Variants in NALCN observed in about 807,000 individuals in gnomAD.
NALCN encodes the protein sodium leak channel NALCN.
In NALCN, 111 loss-of-function variants were observed where a neutral mutation model predicts 225.3. That is an observed-to-expected ratio of 0.49 (90% CI 0.42 to 0.58). The LOEUF is 0.58. Ranked by LOEUF, NALCN falls within the 20% of genes least tolerant of loss-of-function variation. The pLI is 0.00. For missense variants in NALCN, 1,378 were observed against 2,202.4 expected, an observed-to-expected ratio of 0.63 and a Z score of 7.49; for synonymous variants, 764 against 769.0, an observed-to-expected ratio of 0.99 and a Z score of 0.11.
chr13:101,124,585 G>A (rs1298536414), intron 18 of NALCN, 23 bp downstream of exon 18: 2 of 1,592,028 alleles, frequency 1.3e-6, no homozygotes, highest in East Asian at 4.5e-5. Context: ...GTTTAAATAT[G>A]TGTCAACATT....
At chr13:101,255,972 C>A (rs528776881) in intron 11 of NALCN, among the ~76,000 whole-genome samples, 4 of 152,134 alleles carry the variant, frequency 2.6e-5, no homozygotes, top group African/African-American at 9.7e-5. Flanking sequence ...ATCAGTCACT[C>A]GCTCATTCCC....
intron 15 of NALCN, among the ~76,000 whole-genome samples, chr13:101,167,833 T>C (rs1253742260): frequency 1.6e-5 from 2 of 127,658 alleles, no homozygotes; most frequent in African/African-American, 5.2e-5. Context: ...GTTGAGACTC[T>C]GTCAAAAAAA....
chr13:101,349,345 T>A (rs2045838844), intron 6 of NALCN, among the ~76,000 whole-genome samples: 1 of 152,176 alleles, frequency 6.6e-6, no homozygotes, highest in South Asian at 2.1e-4. Context: ...GTTGTTTTTG[T>A]GGTAGAGAAA....
chr13:101,281,250 T>G (rs2138994778), intron 10 of NALCN, among the ~76,000 whole-genome samples: 1 of 152,290 alleles, frequency 6.6e-6, no homozygotes, highest in South Asian at 2.1e-4. Flanking sequence ...CTTGCATTAC[T>G]TCTTTCAAAA....
chr13:101,195,408 C>A (rs1057023587), intron 13 of NALCN, among the ~76,000 whole-genome samples: 1 of 152,156 alleles, frequency 6.6e-6, no homozygotes, highest in Admixed American at 6.5e-5. Context: ...TCTAATTTGT[C>A]ATTCCTTTTA....
At chr13:101,127,784 TTTC>T (rs1408203095) in intron 17 of NALCN, among the ~76,000 whole-genome samples, 1 of 152,264 alleles carries the variant, frequency 6.6e-6, no homozygotes, top group African/African-American at 2.4e-5. Flanking sequence ...CGTTATATAC[TTTC>T]TTTTTTCTAC....
At chr13:101,297,198 C>T (rs2043788452) in intron 7 of NALCN, among the ~76,000 whole-genome samples, 1 of 152,146 alleles carries the variant, frequency 6.6e-6, no homozygotes, top group Admixed American at 6.5e-5. Context: ...TGATAACTAG[C>T]AACACACTAC....
At chr13:101,258,198 C>A (rs944596529) in intron 11 of NALCN, among the ~76,000 whole-genome samples, 5 of 151,868 alleles carry the variant, frequency 3.3e-5, no homozygotes, top group African/African-American at 1.2e-4. Context: ...AGAGTAAGAC[C>A]CAGGGGAAAA....
At chr13:101,279,090 C>T (rs1182520472) in intron 10 of NALCN, among the ~76,000 whole-genome samples, 1 of 150,846 alleles carries the variant, frequency 6.6e-6, no homozygotes, top group Non-Finnish European at 1.5e-5. Context: ...ATGGAATTTC[C>T]CCTGGTTGGA....
intron 3 of NALCN, among the ~76,000 whole-genome samples, chr13:101,389,508 G>A (rs1361514422): frequency 6.6e-6 from 1 of 152,188 alleles, no homozygotes; most frequent in Non-Finnish European, 1.5e-5. Flanking sequence ...CAATTCAGTA[G>A]GGCAGGGACA....
At chr13:101,384,737 T>C (rs1324983296) in intron 3 of NALCN, among the ~76,000 whole-genome samples, 2 of 152,198 alleles carry the variant, frequency 1.3e-5, no homozygotes, top group African/African-American at 4.8e-5. Flanking sequence ...CCAAATAGTT[T>C]CTTTTCACCT....
Position 101,327,616 on chromosome 13 carries a change from G to A in NALCN, c.799+17650C>T, listed in dbSNP as rs565917070. Among the ~76,000 whole-genome samples, 9 of 152,188 alleles carry A rather than the reference G, an allele frequency of 5.9e-5. No individual in the cohort carries two copies. In the East Asian group the frequency reaches 1.4e-3, roughly 23 times the overall value. On this transcript the variant is annotated intron_variant, in intron 7 of 43. Transcript: ENST00000251127. ...GCAGCAGAAAGGAGGTGACTTTCAGGGATATACCCATCCCAGGTAATCCTT... is the reference window on the plus strand; with the variant it reads ...GCAGCAGAAAGGAGGTGACTTTCAGAGATATACCCATCCCAGGTAATCCTT...
chr13:101,088,096 G>A (rs901896065), intron 30 of NALCN, among the ~76,000 whole-genome samples: 4 of 152,016 alleles, frequency 2.6e-5, no homozygotes, highest in Admixed American at 2.0e-4. Flanking sequence ...GTAAAATAAG[G>A]GGCTGGGTGA....
Position 101,258,571 on chromosome 13 carries a change from T to C in NALCN, c.1138A>G (p.Met380Val), listed in dbSNP as rs765985874. Residue 380 changes from methionine to valine, a missense_variant, in exon 11 of 44, where the codon ATG becomes GTG. This residue lies in a region of NALCN where 144 missense variants were observed against 187.7 expected (regional missense o/e 0.77). Coordinates refer to ENST00000251127, the MANE Select transcript of NALCN (RefSeq NM_052867.4). Reference sequence around the variant, plus strand: ...ATGTGGAAAACGGATGACCGCATCATTTTCTGAGGGGGCGAAACAGACAGA... The same window carrying C: ...ATGTGGAAAACGGATGACCGCATCACTTTCTGAGGGGGCGAAACAGACAGA... ...QGRAPACLQK[M>V]MRSSVFHMFI... is the part of the protein sequence containing the mutation. 4 of 1,614,058 alleles carry C rather than the reference T, an allele frequency of 2.5e-6. No individual in the cohort carries two copies. In the African/African-American group the frequency reaches 4.0e-5, roughly 16 times the overall value.
chr13:101,396,200 A>C (rs1221754813), intron 2 of NALCN, among the ~76,000 whole-genome samples: 1 of 152,088 alleles, frequency 6.6e-6, no homozygotes, highest in Non-Finnish European at 1.5e-5. Flanking sequence ...GTTAACATGA[A>C]TATATATACA....
chr13:101,285,497 G>A (rs2043307537), intron 9 of NALCN, among the ~76,000 whole-genome samples: 1 of 151,884 alleles, frequency 6.6e-6, no homozygotes, highest in African/African-American at 2.4e-5. Flanking sequence ...CTAGACAGAG[G>A]GTTTCAGCTT....
Position 101,111,181 on chromosome 13 carries a change from C to T in NALCN, c.2238G>A (p.Gln746=). The T allele has an allele frequency of 1.2e-6, 2 of 1,608,738 alleles. No homozygotes were observed. The highest frequency in any genetic ancestry group is 1.7e-6 in the Non-Finnish European group (2 of 1,176,156). The change falls in exon 19 of 44, where the codon CAG becomes CAA. Residue 746 remains glutamine (Q), a synonymous_variant. Coordinates refer to ENST00000251127, the MANE Select transcript of NALCN (RefSeq NM_052867.4). ...TGAGGATTGACCTCTCCTTTGCGGG[C>T]TGCCCCTCAAATGATCCGCTCAGCA... ...QRMLSGSFEG[Q]PAKERSILSV... is the part of the protein sequence containing the mutation.
intron 10 of NALCN, among the ~76,000 whole-genome samples, chr13:101,262,092 G>A (rs1382320780): frequency 6.6e-6 from 1 of 152,160 alleles, no homozygotes; most frequent in African/African-American, 2.4e-5. Flanking sequence ...TTTTTAGCAT[G>A]AATTGAAATG....
chr13:101,329,296 C>T (rs938311496), intron 7 of NALCN, among the ~76,000 whole-genome samples: 1 of 152,072 alleles, frequency 6.6e-6, no homozygotes, highest in Non-Finnish European at 1.5e-5. Flanking sequence ...TCATATTTTG[C>T]TTATTTGCTG....
Sources: gnomAD v4.1 joint callset for allele counts (sites outside exome capture counted in the v4.1 genomes callset) on GRCh38, gnomAD v4.1.1 for gene constraint, gnomAD v4.1.1 regional missense constraint, MANE v1.5 for transcripts, NCBI Gene and HGNC (gene_info 2026-07-23, HGNC 2026-07-21) for gene names.